The following RGS8 variants were observed in gnomAD, a reference collection of about 807,000 sequenced individuals.
The protein encoded by RGS8 is regulator of G protein signaling 8, also known as regulator of G-protein signaling 8.
In RGS8, 8 loss-of-function variants were observed where a neutral mutation model predicts 21.7. The ratio of observed to expected loss-of-function variants is 0.37; its 90% CI spans 0.22 to 0.66. The LOEUF is 0.66. RGS8 is among the 30% of genes least tolerant of loss of function. The pLI, the probability that RGS8 is intolerant of heterozygous loss-of-function variation, is 0.59. For missense variants in RGS8, 157 were observed against 217.9 expected (o/e 0.72, Z 1.76); for synonymous variants, 80 against 83.6 (o/e 0.96, Z 0.24).
At chr1:182,718,308 C>T in the RGS8 span, among the ~76,000 whole-genome samples, 1 of 152,140 alleles carries the variant, frequency 6.6e-6, no homozygotes, top group African/African-American at 2.4e-5. Flanking sequence ...AAGCAGAACC[C>T]AAAAAGAAAC....
chr1:182,732,593 A>G, the RGS8 span, among the ~76,000 whole-genome samples: 1 of 152,174 alleles, frequency 6.6e-6, no homozygotes. Context: ...TATGGCTTCA[A>G]CAAAGGGGTT....
chr1:182,684,343 C>G lies in RGS8; in HGVS notation n.221+13G>C, dbSNP rs368318791. 4.7e-4 allele frequency: 72 copies of G among 152,842 alleles called. 1 individual carries two copies. The highest frequency in any genetic ancestry group is 1.7e-3 in the African/African-American group (69 of 41,582). The allele number at this position is 152,842 out of a possible 1,614,324, so 9.5% of individuals were successfully genotyped here. On this transcript the variant is annotated intron_variant and non_coding_transcript_variant, in intron 1 of 4. Transcript: ENST00000515211. The surrounding 1 kb of genome is among the most constrained non-coding windows in gnomAD (Gnocchi z 4.2). ...TCAGGCCCTGATGGAAGCAGCTGCT[C>G]TTTCTTACCTGCCTGGCGGTGGGCA... is the stretch of plus-strand genomic sequence containing the variant.
chr1:182,740,468 G>A, the RGS8 span, among the ~76,000 whole-genome samples: 1 of 151,106 alleles, frequency 6.6e-6, no homozygotes, highest in Non-Finnish European at 1.5e-5. Flanking sequence ...AGGCATCAAA[G>A]GTCGTACATC....
chr1:182,726,035 T>C, the RGS8 span, among the ~76,000 whole-genome samples: 1 of 152,174 alleles, frequency 6.6e-6, no homozygotes, highest in African/African-American at 2.4e-5. Flanking sequence ...ACTGCTTAAA[T>C]TGCCTCTGGA....
At chr1:182,741,734 C>T in the RGS8 span, among the ~76,000 whole-genome samples, 1 of 105,954 alleles carries the variant, frequency 9.4e-6, no homozygotes, top group East Asian at 2.6e-4. Flanking sequence ...CCGGACAGGG[C>T]GGCTGGCTGG....
chr1:182,686,952 A>G (rs78178295), upstream of RGS8, among the ~76,000 whole-genome samples: 2,874 of 152,314 alleles, frequency 0.019, 85 homozygotes, highest in African/African-American at 0.066. Context: ...CACAGGAGCC[A>G]GGAAAGATGA....
the RGS8 span, among the ~76,000 whole-genome samples, chr1:182,747,043 C>CTTGTTTTTTTTTTTTTTTTTTTTT: frequency 4.8e-5 from 1 of 21,028 alleles, no homozygotes; most frequent in Non-Finnish European, 9.4e-5. Flanking sequence ...CACTGCTGGT[C>CTTGTTTTTTTTTTTTTTTTTTTTT]TTTTTTTTTT....
the RGS8 span, among the ~76,000 whole-genome samples, chr1:182,742,062 C>G: frequency 6.8e-6 from 1 of 147,376 alleles, no homozygotes; most frequent in African/African-American, 2.5e-5. Context: ...ACATCCCGGA[C>G]GGGGCGGCAG....
the RGS8 span, among the ~76,000 whole-genome samples, chr1:182,710,269 G>A: frequency 6.6e-6 from 1 of 152,250 alleles, no homozygotes; most frequent in South Asian, 2.1e-4. Flanking sequence ...GCTTATCCCT[G>A]AGTAGTGGGT....
chr1:182,718,605 C>G, the RGS8 span, among the ~76,000 whole-genome samples: 6 of 152,138 alleles, frequency 3.9e-5, no homozygotes, highest in Non-Finnish European at 8.8e-5. Context: ...AGAAAATTGG[C>G]AGACTCCACA....
the RGS8 span, among the ~76,000 whole-genome samples, chr1:182,749,340 G>A: frequency 6.6e-6 from 1 of 152,110 alleles, no homozygotes; most frequent in African/African-American, 2.4e-5. Flanking sequence ...ACCATTTATT[G>A]AAGAGGACTT....
the RGS8 span, among the ~76,000 whole-genome samples, chr1:182,719,863 G>A: frequency 0.43 from 65,227 of 151,864 alleles, 14,676 homozygotes; most frequent in African/African-American, 0.58. Flanking sequence ...ACACACTGTA[G>A]CTTGGATTCC....
At chr1:182,741,917 C>T in the RGS8 span, among the ~76,000 whole-genome samples, 1 of 141,858 alleles carries the variant, frequency 7.0e-6, no homozygotes, top group East Asian at 2.1e-4. Context: ...AGGTGGCTGC[C>T]GGGCGGAGAC....
chr1:182,670,714 C>T (rs1191819012), intron 2 of RGS8, among the ~76,000 whole-genome samples: 2 of 152,040 alleles, frequency 1.3e-5, no homozygotes, highest in Non-Finnish European at 2.9e-5. Context: ...TTAAAAATAG[C>T]TTCTTTAATA....
the RGS8 span, among the ~76,000 whole-genome samples, chr1:182,720,491 T>A: frequency 6.6e-6 from 1 of 152,150 alleles, no homozygotes; most frequent in Admixed American, 6.5e-5. Flanking sequence ...CTGCTCAAAA[T>A]CATCCATTCA....
At chr1:182,741,411 G>C in the RGS8 span, among the ~76,000 whole-genome samples, 1 of 130,832 alleles carries the variant, frequency 7.6e-6, no homozygotes, top group Non-Finnish European at 1.7e-5. Context: ...GCGGGGGGCT[G>C]ACCCCCCCAC....
chr1:182,695,938 C>A, the RGS8 span, among the ~76,000 whole-genome samples: 1 of 152,172 alleles, frequency 6.6e-6, no homozygotes, highest in Admixed American at 6.5e-5. Flanking sequence ...CATTTACAAG[C>A]CTCTGCACCC....
chr1:182,692,620 T>A, the RGS8 span, among the ~76,000 whole-genome samples: 14 of 140,016 alleles, frequency 1.0e-4, no homozygotes, highest in Non-Finnish European at 1.8e-4. Flanking sequence ...TTAAAAAAAA[T>A]TCTAAAATTC....
the RGS8 span, among the ~76,000 whole-genome samples, chr1:182,718,212 G>A: frequency 1.3e-5 from 2 of 152,184 alleles, no homozygotes; most frequent in Non-Finnish European, 2.9e-5. Flanking sequence ...CCAGCGTGAA[G>A]GAATATTTTG....
Sources: gnomAD v4.1 joint callset for allele counts (sites outside exome capture counted in the v4.1 genomes callset) on GRCh38, gnomAD v4.1.1 for gene constraint, Gnocchi (gnomAD v3.1) non-coding constraint, MANE v1.5 for transcripts, NCBI Gene and HGNC (gene_info 2026-07-23, HGNC 2026-07-21) for gene names.